The following SMARCA4 variants were observed in gnomAD, a reference collection of about 807,000 sequenced individuals.
The protein encoded by SMARCA4 is SWI/SNF related BAF chromatin remodeling complex subunit ATPase 4.
SMARCA4 carries 31 observed loss-of-function variants against 193.9 expected under a neutral mutation model. The observed-to-expected ratio is 0.16, with a 90% confidence interval of 0.12 to 0.22. The LOEUF is 0.22. Ranked by LOEUF, SMARCA4 falls within the 10% of genes least tolerant of loss-of-function variation. The pLI is 1.00. For missense variants in SMARCA4, 1,148 were observed against 2,296.0 expected (o/e 0.50, Z 10.22); for synonymous variants, 942 against 933.1 (o/e 1.01, Z -0.17).
chr19:11,022,859 G>T (rs973560535), intron 19 of SMARCA4, among the ~76,000 whole-genome samples: 22 of 152,242 alleles, frequency 1.4e-4, no homozygotes, highest in African/African-American at 5.3e-4. Context: ...TAAGGGCCAG[G>T]ATCTGATGCT....
chr19:10,975,485 T>G (rs1026185823), intron 1 of SMARCA4, among the ~76,000 whole-genome samples: 6 of 151,490 alleles, frequency 4.0e-5, no homozygotes. Flanking sequence ...CTAATTTTTG[T>G]ATTTTAGTAG....
rs781468352 is a variant in SMARCA4 at position 11,033,720 on chromosome 19, C to T, written c.3775-47C>T. The T allele has an allele frequency of 3.2e-5, 25 of 778,954 alleles. No homozygotes were observed. The highest frequency in any genetic ancestry group is 4.5e-4 in the Middle Eastern group (2 of 4,450). The allele number at this position is 778,954 out of a possible 1,614,324, so 48.3% of individuals were successfully genotyped here. On this transcript the variant is annotated intron_variant, in intron 26 of 34. Transcript: ENST00000344626. This position sits in a 1 kb window ranked among gnomAD's most constrained non-coding sequence, Gnocchi z 9.8. ...TTTTTTCTAAACTGCTGGTGAAAGACGCCGGATTGACAGCCCTGGAGACTG... is the reference window on the plus strand; with the variant it reads ...TTTTTTCTAAACTGCTGGTGAAAGATGCCGGATTGACAGCCCTGGAGACTG...
intron 29 of SMARCA4, among the ~76,000 whole-genome samples, chr19:11,038,626 G>C (rs187274764): frequency 6.6e-6 from 1 of 152,294 alleles, no homozygotes; most frequent in East Asian, 1.9e-4. Context: ...GGGTGTTGCT[G>C]TCTGATCACC....
In SMARCA4 at chr19:10,986,776, G is replaced by A. The variant is rs539356026; in HGVS notation, c.761-129G>A. The stretch of plus-strand genomic sequence containing the variant: ...CTAAATGCTGCTTCCCCAGCTCCCC[G>A]CTTCCCCTGGGGCCGCTGGTTAATA... On this transcript the variant is annotated intron_variant, in intron 4 of 34. Transcript: ENST00000344626. This position sits in a 1 kb window ranked among gnomAD's most constrained non-coding sequence, Gnocchi z 6.7. The A allele has an allele frequency of 9.0e-6, 11 of 1,217,486 alleles. No homozygotes were observed. The highest frequency in any genetic ancestry group is 3.0e-5 in the African/African-American group (2 of 67,156). 75.4% of individuals were successfully genotyped at this position (1,217,486 alleles called of 1,614,324 possible).
intron 1 of SMARCA4, among the ~76,000 whole-genome samples, chr19:10,965,481 T>A (rs1264802746): frequency 6.6e-6 from 1 of 152,240 alleles, no homozygotes; most frequent in Non-Finnish European, 1.5e-5. Flanking sequence ...AAGTTCTGTA[T>A]GTTTCAAAGT....
chr19:10,963,926 C>A (rs1275749646), intron 1 of SMARCA4, among the ~76,000 whole-genome samples: 2 of 151,786 alleles, frequency 1.3e-5, no homozygotes, highest in African/African-American at 2.4e-5. Context: ...CGAAGCGAGA[C>A]CCTGTCTAAA....
intron 22 of SMARCA4, among the ~76,000 whole-genome samples, chr19:11,025,826 C>CA (rs780704640): frequency 2.0e-5 from 3 of 152,202 alleles, no homozygotes; most frequent in African/African-American, 4.8e-5. Context: ...TGGCTTTTCT[C>CA]ACGTTGCGGG....
Position 10,986,942 on chromosome 19 carries a change from G to C in SMARCA4, c.798G>C (p.Ser266=), listed in dbSNP as rs1166644954. The change falls in exon 5 of 35, where the codon TCG becomes TCC. Residue 266 remains serine (S), a synonymous_variant. Transcript: ENST00000344626. The surrounding 1 kb of genome is among the most constrained non-coding windows in gnomAD (Gnocchi z 6.7). ...CCAACATGCCTCCCCCAGGACCCTC[G>C]GGCGTGCCCCCCGGGATGCCAGGCC... ...GGPNMPPPGP[S]GVPPGMPGQP... 6.2e-7 allele frequency: 1 copy of C among 1,611,878 alleles called. No individual in the cohort carries two copies. Among genetic ancestry groups the C allele is most frequent in the Non-Finnish European group, 8.5e-7 (1 of 1,179,916 alleles).
intron 1 of SMARCA4, among the ~76,000 whole-genome samples, chr19:10,977,310 G>A (rs1471868068): frequency 2.0e-5 from 3 of 151,900 alleles, no homozygotes; most frequent in African/African-American, 4.8e-5. Context: ...TTACGGACTC[G>A]AGTTTTTTTT....
intron 29 of SMARCA4, among the ~76,000 whole-genome samples, chr19:11,038,516 C>T (rs903797849): frequency 2.6e-5 from 4 of 152,160 alleles, no homozygotes; most frequent in Non-Finnish European, 5.9e-5. Context: ...CCCTCAGGCT[C>T]TCAGCTTCCC....
At chr19:10,989,278 A>C (rs751118174) in intron 6 of SMARCA4, 39 bp from the exon 7 acceptor site, 8 of 1,612,916 alleles carry the variant, frequency 5.0e-6, no homozygotes, top group Non-Finnish European at 6.8e-6. Flanking sequence ...GTGCCCTGGC[A>C]ACCCTCTCAC....
At chr19:11,023,796 G>A (rs1439987551) in intron 20 of SMARCA4, among the ~76,000 whole-genome samples, 165 bp downstream of exon 20, 2 of 152,348 alleles carry the variant, frequency 1.3e-5, no homozygotes, top group South Asian at 4.1e-4. Flanking sequence ...CTGTGCTGCT[G>A]TTGTAGGGAT....
chr19:10,966,315 G>A (rs920108582), intron 1 of SMARCA4, among the ~76,000 whole-genome samples: 6 of 152,194 alleles, frequency 3.9e-5, no homozygotes, highest in African/African-American at 1.4e-4. Context: ...GTTCAGCCGA[G>A]TGTGGTGGCT....
At chr19:10,972,950 A>C (rs940085929) in intron 1 of SMARCA4, among the ~76,000 whole-genome samples, 1 of 152,290 alleles carries the variant, frequency 6.6e-6, no homozygotes, top group Middle Eastern at 3.4e-3. Flanking sequence ...CTCTACAAAA[A>C]ATACGAAAAT....
chr19:10,973,567 ATTTTT>A (rs35116273), intron 1 of SMARCA4, among the ~76,000 whole-genome samples: 1 of 125,606 alleles, frequency 8.0e-6, no homozygotes, highest in Non-Finnish European at 1.7e-5. Flanking sequence ...CGCCCAGCTA[ATTTTT>A]TTTTTTTTTT....
Position 11,058,239 on chromosome 19 carries a change from C to T in SMARCA4, c.4425-16C>T, listed in dbSNP as rs531660064. On this transcript the variant is annotated splice_polypyrimidine_tract_variant and intron_variant, in intron 30 of 34. Coordinates refer to ENST00000344626, the MANE Select transcript of SMARCA4 (RefSeq NM_003072.5). The surrounding 1 kb of genome is among the most constrained non-coding windows in gnomAD (Gnocchi z 5.8). ...GGGCGGACTCGGGGGTGATAGCCGCCGGTTCTGCCTTGCAGCAGCAGTGGA... is the reference window on the plus strand; with the variant it reads ...GGGCGGACTCGGGGGTGATAGCCGCTGGTTCTGCCTTGCAGCAGCAGTGGA... 15 of 1,596,654 alleles carry T rather than the reference C, an allele frequency of 9.4e-6. No homozygotes were observed. The highest frequency in any genetic ancestry group is 1.1e-5 in the Non-Finnish European group (13 of 1,167,718).
chr19:11,023,439 A>T, intron 19 of SMARCA4, 79 bp from the exon 20 acceptor site: 1 of 920,800 alleles, frequency 1.1e-6, no homozygotes, highest in Non-Finnish European at 1.8e-6. Context: ...CCCTGTCCCC[A>T]CATCCGCACC....
rs1040209950 is a variant in SMARCA4, at chr19:10,984,462, T to TG, written c.222+95dup. 291 of 1,547,364 alleles carry TG rather than the reference T, an allele frequency of 1.9e-4. No homozygotes were observed. The highest frequency in any genetic ancestry group is 2.5e-4 in the Non-Finnish European group (286 of 1,146,130). ...TGGACCGAGGGCCTTACTTGGAGGA[T>TG]GGGGGGAAGCCTTCTTGTTGGAGGT... is the stretch of plus-strand genomic sequence containing the variant. On this transcript the variant is annotated intron_variant, in intron 2 of 34. Transcript: ENST00000344626. This position sits in a 1 kb window ranked among gnomAD's most constrained non-coding sequence, Gnocchi z 4.3.
chr19:10,992,984 CTTTTTTTTTTT>C lies in SMARCA4; in HGVS notation c.1419+1670_1419+1680del, dbSNP rs758452838. On this transcript the variant is annotated intron_variant, in intron 8 of 34. Coordinates refer to ENST00000344626, the MANE Select transcript of SMARCA4 (RefSeq NM_003072.5). ...TTTTTAAATTTTTTCTAAAACTTTG[CTTTTTTTTTTT>C]TTTTTTTTGAGTCAGAATCTCACTC... Among the ~76,000 whole-genome samples the C allele has an allele frequency of 8.2e-4, 90 of 109,356 alleles. 1 individual carries two copies. The highest frequency in any genetic ancestry group is 3.4e-4 in the Non-Finnish European group (18 of 52,410). 71.7% of individuals were successfully genotyped at this position (109,356 alleles called of 152,430 possible). A position where few individuals can be genotyped will look rare whatever the true frequency, so the allele number is the denominator to read the frequency against.
Sources: gnomAD v4.1 joint callset for allele counts (sites outside exome capture counted in the v4.1 genomes callset) on GRCh38, gnomAD v4.1.1 for gene constraint, Gnocchi (gnomAD v3.1) non-coding constraint, MANE v1.5 for transcripts, NCBI Gene and HGNC (gene_info 2026-07-23, HGNC 2026-07-21) for gene names.